Variants in SNX9 observed in about 807,000 individuals in gnomAD.
The protein encoded by SNX9 is sorting nexin-9.
Under a neutral mutation model 89.4 loss-of-function variants are expected in SNX9, and 44 were observed. The observed-to-expected ratio is 0.49, with a 90% CI of 0.39 to 0.63. The LOEUF is 0.63. Among genes scored for constraint, SNX9 ranks in the 30% least tolerant of loss-of-function variants. The probability of loss-of-function intolerance (pLI) is 0.00; values close to 1 mark genes in which losing one functional copy is unlikely to be tolerated. For missense variants in SNX9, 578 were observed against 736.1 expected, an observed-to-expected ratio of 0.79 and a Z score of 2.49; for synonymous variants, 236 against 247.8, an observed-to-expected ratio of 0.95 and a Z score of 0.45.
intron 1 of SNX9, among the ~76,000 whole-genome samples, chr6:157,851,135 G>A (rs1049514802): frequency 2.0e-5 from 3 of 151,912 alleles, no homozygotes; most frequent in South Asian, 2.1e-4. Context: ...GCACATGCCT[G>A]TAATCCCAGC....
At chr6:157,842,459 G>C (rs560661164) in intron 1 of SNX9, among the ~76,000 whole-genome samples, 4 of 152,188 alleles carry the variant, frequency 2.6e-5, no homozygotes, top group Non-Finnish European at 5.9e-5. Flanking sequence ...TATCAAGACA[G>C]GGGGATTGCA....
At chr6:157,929,063 G>A (rs1783755427) in intron 12 of SNX9, among the ~76,000 whole-genome samples, 1 of 152,158 alleles carries the variant, frequency 6.6e-6, no homozygotes, top group African/African-American at 2.4e-5. Context: ...GTAAGATGTT[G>A]TGTATTTGAC....
At position 157,900,777 on chromosome 6, in the gene SNX9, A is replaced by G. The variant is rs551934748; in HGVS notation, c.473-1121A>G. On this transcript the variant is annotated intron_variant, in intron 5 of 17. Coordinates refer to ENST00000392185, the MANE Select transcript of SNX9 (RefSeq NM_016224.5). The stretch of plus-strand genomic sequence containing the variant: ...TGACAGAGCCTTAAAACAGAAACAC[A>G]GTCTTTCCATAACCTATGATTAGCA... Among the ~76,000 whole-genome samples the G allele has an allele frequency of 1.8e-3, 267 of 152,358 alleles. 4 individuals are homozygous for G. Among genetic ancestry groups the G allele is most frequent in the Non-Finnish European group, 3.4e-4 (23 of 68,036 alleles).
chr6:157,921,441 T>C (rs906360468), intron 9 of SNX9, 90 bp from the exon 10 acceptor site: 36 of 1,356,802 alleles, frequency 2.7e-5, no homozygotes, highest in Non-Finnish European at 3.6e-5. Flanking sequence ...CAATAGCCAG[T>C]AGACATAGAA....
At chr6:157,894,380 G>A (rs951437348) in intron 4 of SNX9, among the ~76,000 whole-genome samples, 1 of 148,144 alleles carries the variant, frequency 6.8e-6, no homozygotes, top group African/African-American at 2.5e-5. Context: ...AAAGTGGTAG[G>A]ATTATAGGCA....
In SNX9 at chr6:157,882,608, CAACATT is replaced by C. The variant is rs1473171055; in HGVS notation, c.300+7437_300+7442del. ...GATTCATGGAAGAAGGTCAAAATGT[CAACATT>C]AACAGGAGTTTGGAAGAAGTAGATT... On this transcript the variant is annotated intron_variant, in intron 4 of 17. Coordinates refer to ENST00000392185, the MANE Select transcript of SNX9 (RefSeq NM_016224.5). 5.9e-5 allele frequency among the ~76,000 whole-genome samples: 9 copies of C among 152,280 alleles called. No homozygotes were observed. In the South Asian group the frequency reaches 1.7e-3, roughly 28 times the overall value.
intron 1 of SNX9, among the ~76,000 whole-genome samples, chr6:157,849,722 G>A (rs1393007309): frequency 6.6e-6 from 1 of 152,176 alleles, no homozygotes; most frequent in African/African-American, 2.4e-5. Context: ...GTACCTTTCA[G>A]TTTCTTTTTG....
At chr6:157,905,087 C>T (rs1783182634) in intron 6 of SNX9, among the ~76,000 whole-genome samples, 1 of 152,160 alleles carries the variant, frequency 6.6e-6, no homozygotes, top group East Asian at 1.9e-4. Context: ...GATTTCAGCC[C>T]CTAAGGCTAC....
At chr6:157,927,998 G>T (rs1414574825) in intron 11 of SNX9, among the ~76,000 whole-genome samples, 1 of 152,066 alleles carries the variant, frequency 6.6e-6, no homozygotes, top group African/African-American at 2.4e-5. Context: ...TAATATGTTA[G>T]TGTTTAGTCT....
intron 9 of SNX9, among the ~76,000 whole-genome samples, chr6:157,919,842 C>G (rs1362332174): frequency 6.6e-6 from 1 of 152,122 alleles, no homozygotes; most frequent in African/African-American, 2.4e-5. Flanking sequence ...TTTAGCAACT[C>G]CAGATTCTGA....
chr6:157,861,516 T>C (rs1387635531), intron 1 of SNX9, among the ~76,000 whole-genome samples: 1 of 152,218 alleles, frequency 6.6e-6, no homozygotes, highest in Non-Finnish European at 1.5e-5. Context: ...CAGAAAGCTC[T>C]TAATAGGTTG....
intron 1 of SNX9, among the ~76,000 whole-genome samples, chr6:157,852,477 C>T (rs927265454): frequency 6.6e-6 from 1 of 152,136 alleles, no homozygotes; most frequent in Non-Finnish European, 1.5e-5. Flanking sequence ...ACAATAAGCA[C>T]GTGTATCTTA....
intron 4 of SNX9, among the ~76,000 whole-genome samples, chr6:157,894,726 G>A (rs8180647): frequency 6.6e-5 from 10 of 152,036 alleles, no homozygotes; most frequent in Admixed American, 2.0e-4. Context: ...ACCCCTCAGC[G>A]TGACAGTTGT....
At chr6:157,940,174 T>G (rs1562626465) in intron 16 of SNX9, among the ~76,000 whole-genome samples, 1 of 152,140 alleles carries the variant, frequency 6.6e-6, no homozygotes, top group Non-Finnish European at 1.5e-5. Flanking sequence ...CTGAAGCAAT[T>G]GCTGTGCAGG....
chr6:157,823,504 G>A lies in SNX9; in HGVS notation c.12+58G>A, dbSNP rs540544352. On this transcript the variant is annotated intron_variant, in intron 1 of 17. Transcript: ENST00000392185. This position sits in a 1 kb window ranked among gnomAD's most constrained non-coding sequence, Gnocchi z 4.6. Reference sequence around the variant, plus strand: ...GCTCAGGCCCGGGGCGGCGCGGAGAGGGTCGGGGCCGGGGCCGCGGGGAGG... The same window carrying A: ...GCTCAGGCCCGGGGCGGCGCGGAGAAGGTCGGGGCCGGGGCCGCGGGGAGG... The A allele has an allele frequency of 3.3e-5, 38 of 1,163,682 alleles. No homozygotes were observed. The highest frequency in any genetic ancestry group is 4.0e-5 in the Non-Finnish European group (38 of 944,754). 72.1% of individuals were successfully genotyped at this position (1,163,682 alleles called of 1,614,324 possible).
At chr6:157,855,881 C>T (rs1221501016) in intron 1 of SNX9, among the ~76,000 whole-genome samples, 2 of 152,168 alleles carry the variant, frequency 1.3e-5, no homozygotes, top group Non-Finnish European at 2.9e-5. Flanking sequence ...GGATTACAGG[C>T]AGCCACCACC....
At position 157,940,936 on chromosome 6, in the gene SNX9, C is replaced by T. The variant is rs757447215; in HGVS notation, c.1702C>T (p.Arg568Cys). The part of the protein sequence containing the change: ...NRIYDYNSVI[R>C]LYLEQQVQFY... ...GATCTATGATTACAACAGTGTCATC[C>T]GCCTGTACCTGGAGCAGCAAGTGCA... Residue 568 changes from arginine to cysteine, a missense_variant, in exon 17 of 18, where the codon CGC becomes TGC. This residue lies in a region of SNX9 where 348 missense variants were observed against 491.4 expected (regional missense o/e 0.71). Transcript: ENST00000392185. 12 of 1,614,176 alleles carry T rather than the reference C, an allele frequency of 7.4e-6. No individual in the cohort carries two copies. Among genetic ancestry groups the T allele is most frequent in the South Asian group, 2.2e-5 (2 of 91,076 alleles).
At position 157,921,522 on chromosome 6, in the gene SNX9, C is replaced by G; in HGVS notation, c.950-9C>G. On this transcript the variant is annotated splice_polypyrimidine_tract_variant and intron_variant, in intron 9 of 17. Transcript: ENST00000392185. ...AAGTTGTATGTCATTCTTGGTGTGT[C>G]GCTTGCAGGCCGCTTTGAAGAGGAA... is the stretch of plus-strand genomic sequence containing the variant. 6.2e-7 allele frequency: 1 copy of G among 1,609,478 alleles called. No individual in the cohort carries two copies. Among genetic ancestry groups the G allele is most frequent in the Admixed American group, 1.7e-5 (1 of 59,150 alleles).
intron 10 of SNX9, chr6:157,924,336 C>T (rs1037181363): frequency 3.9e-5 from 6 of 152,096 alleles, no homozygotes; most frequent in African/African-American, 1.4e-4. Context: ...GGTGCCTGGG[C>T]AGCTTTTCCC....
Sources: allele counts gnomAD v4.1 joint callset (sites outside exome capture counted in the v4.1 genomes callset), GRCh38; gene constraint gnomAD v4.1.1; regional missense constraint gnomAD v4.1.1; non-coding constraint Gnocchi (gnomAD v3.1); transcripts MANE v1.5; gene names NCBI Gene and HGNC (gene_info 2026-07-23, HGNC 2026-07-21).